Variants in DIAPH3 observed in about 807,000 individuals in gnomAD.
DIAPH3 encodes the protein protein diaphanous homolog 3.
A neutral mutation model predicts 144.3 loss-of-function variants in DIAPH3; 117 were observed. The ratio of observed to expected loss-of-function variants is 0.81; its 90% confidence interval spans 0.70 to 0.95. DIAPH3 has a LOEUF of 0.95. Ranked by LOEUF, DIAPH3 falls within the 40% of genes least tolerant of loss-of-function variation. The probability of loss-of-function intolerance (pLI) is 0.00; values close to 1 mark genes in which losing one functional copy is unlikely to be tolerated. For missense variants in DIAPH3, 1,421 were observed against 1,412.7 expected (o/e 1.01, Z -0.09); for synonymous variants, 519 against 488.9 (o/e 1.06, Z -0.81).
chr13:59,753,649 C>A lies in DIAPH3; in HGVS notation c.3319+20540G>T, dbSNP rs181331286. ...ATAAACACATTGAAACAGGTATATACAAAGAAACTCCAGAATAGTTGTGCC... is the reference window on the plus strand; with the variant it reads ...ATAAACACATTGAAACAGGTATATAAAAAGAAACTCCAGAATAGTTGTGCC... On this transcript the variant is annotated intron_variant, in intron 27 of 27. Transcript: ENST00000400324. 1.5e-4 allele frequency among the ~76,000 whole-genome samples: 23 copies of A among 152,200 alleles called. No individual in the cohort carries two copies. In the East Asian group the frequency reaches 4.1e-3, roughly 27 times the overall value.
intron 17 of DIAPH3, among the ~76,000 whole-genome samples, chr13:59,935,876 T>C (rs542429601): frequency 7.2e-5 from 11 of 152,300 alleles, no homozygotes; most frequent in African/African-American, 2.4e-4. Context: ...ATATAATATA[T>C]AGGAAGAGTA....
intron 4 of DIAPH3, among the ~76,000 whole-genome samples, chr13:60,065,728 G>A (rs1231715898): frequency 6.6e-6 from 1 of 152,030 alleles, no homozygotes; most frequent in Non-Finnish European, 1.5e-5. Flanking sequence ...TTATAAATAT[G>A]CTATCTTCCA....
At chr13:59,864,547 C>T (rs772149673) in intron 21 of DIAPH3, among the ~76,000 whole-genome samples, 3 of 151,986 alleles carry the variant, frequency 2.0e-5, no homozygotes, top group Non-Finnish European at 4.4e-5. Context: ...AGCTAAACAG[C>T]CAGCAACTGC....
chr13:59,905,920 A>T (rs2046711395), intron 20 of DIAPH3, among the ~76,000 whole-genome samples: 3 of 152,200 alleles, frequency 2.0e-5, no homozygotes, highest in Admixed American at 2.0e-4. Flanking sequence ...GAATTGTAAG[A>T]TCATAAACTT....
At chr13:59,803,898 T>C (rs2040064613) in intron 25 of DIAPH3, among the ~76,000 whole-genome samples, 1 of 152,198 alleles carries the variant, frequency 6.6e-6, no homozygotes, top group Non-Finnish European at 1.5e-5. Flanking sequence ...AATTTCAGTT[T>C]CTTAATACCA....
chr13:60,066,627 T>A (rs1240531244), intron 4 of DIAPH3, among the ~76,000 whole-genome samples: 1 of 152,220 alleles, frequency 6.6e-6, no homozygotes, highest in Admixed American at 6.6e-5. Context: ...TAGTTATAAA[T>A]CACTTTTATT....
chr13:60,015,512 T>A (rs2053575721), intron 7 of DIAPH3, among the ~76,000 whole-genome samples: 1 of 151,980 alleles, frequency 6.6e-6, no homozygotes, highest in Admixed American at 6.6e-5. Context: ...TTAATAATCA[T>A]GATCTTAAAG....
chr13:60,045,787 AT>A (rs1298941675), intron 4 of DIAPH3, among the ~76,000 whole-genome samples: 1 of 152,190 alleles, frequency 6.6e-6, no homozygotes, highest in East Asian at 1.9e-4. Flanking sequence ...GAATAAATAG[AT>A]TTTTTTCTTC....
intron 22 of DIAPH3, among the ~76,000 whole-genome samples, chr13:59,850,606 A>G (rs1038047531): frequency 1.3e-5 from 2 of 151,058 alleles, no homozygotes; most frequent in African/African-American, 4.9e-5. Context: ...GGCTCTGTTT[A>G]TATGCTGGAT....
chr13:60,121,402 T>C (rs757882442), intron 2 of DIAPH3, among the ~76,000 whole-genome samples: 1 of 152,110 alleles, frequency 6.6e-6, no homozygotes, highest in Admixed American at 6.5e-5. Context: ...TACAGAACGA[T>C]AGCAGAAATT....
intron 20 of DIAPH3, among the ~76,000 whole-genome samples, chr13:59,884,543 A>G (rs2140088092): frequency 6.6e-6 from 1 of 152,270 alleles, no homozygotes; most frequent in Middle Eastern, 3.4e-3. Flanking sequence ...TGGGAGAGGT[A>G]TGATAAGCAA....
chr13:59,852,703 C>T (rs181507469), intron 22 of DIAPH3, among the ~76,000 whole-genome samples: 59 of 152,118 alleles, frequency 3.9e-4, no homozygotes, highest in African/African-American at 1.4e-3. Flanking sequence ...AGAAAAGTAC[C>T]AACATTTTTA....
chr13:60,078,737 AATCT>A (rs1158693602), intron 4 of DIAPH3, among the ~76,000 whole-genome samples: 2 of 151,962 alleles, frequency 1.3e-5, no homozygotes, highest in African/African-American at 4.8e-5. Context: ...TTTGAAATAA[AATCT>A]ATATTACATA....
chr13:59,742,934 T>A (rs753493744), intron 27 of DIAPH3, among the ~76,000 whole-genome samples: 3 of 151,976 alleles, frequency 2.0e-5, no homozygotes, highest in African/African-American at 4.8e-5. Flanking sequence ...AATGTTGGAA[T>A]GTGAAATAAA....
chr13:60,154,064 A>G (rs1216383896), intron 1 of DIAPH3, among the ~76,000 whole-genome samples: 1 of 152,152 alleles, frequency 6.6e-6, no homozygotes, highest in Non-Finnish European at 1.5e-5. Flanking sequence ...AGAACTAAGA[A>G]CAGAATGGCT....
At chr13:59,814,451 A>G (rs1271910051) in intron 24 of DIAPH3, among the ~76,000 whole-genome samples, 1 of 152,228 alleles carries the variant, frequency 6.6e-6, no homozygotes, top group Non-Finnish European at 1.5e-5. Flanking sequence ...AAATACCAAT[A>G]GAGAGCACAG....
At chr13:60,155,014 T>G (rs912988387) in intron 1 of DIAPH3, among the ~76,000 whole-genome samples, 1 of 152,188 alleles carries the variant, frequency 6.6e-6, no homozygotes, top group South Asian at 2.1e-4. Context: ...AAATCCAATT[T>G]ATAAGGCAAT....
At chr13:60,095,917 C>T (rs2058093037) in intron 3 of DIAPH3, among the ~76,000 whole-genome samples, 1 of 152,120 alleles carries the variant, frequency 6.6e-6, no homozygotes, top group Admixed American at 6.5e-5. Flanking sequence ...CCCAAAATAG[C>T]ACAACTATAT....
intron 20 of DIAPH3, among the ~76,000 whole-genome samples, chr13:59,895,626 C>T (rs1402768500): frequency 1.3e-5 from 2 of 152,130 alleles, no homozygotes; most frequent in Non-Finnish European, 1.5e-5. Flanking sequence ...CACTACCACC[C>T]TTTGTCTCAG....
Sources: allele counts gnomAD v4.1 joint callset (sites outside exome capture counted in the v4.1 genomes callset), GRCh38; gene constraint gnomAD v4.1.1; transcripts MANE v1.5; gene names NCBI Gene and HGNC (gene_info 2026-07-23, HGNC 2026-07-21).